The following KLF13 variants were observed in gnomAD, a reference collection of about 807,000 sequenced individuals.
KLF13 encodes the protein Krueppel-like factor 13.
KLF13 carries 8 observed loss-of-function variants against 16.7 expected under a neutral mutation model. The ratio of observed to expected loss-of-function variants is 0.48; its 90% CI spans 0.28 to 0.87. The LOEUF (loss-of-function observed/expected upper bound fraction) is 0.87. Ranked by LOEUF, KLF13 falls within the 40% of genes least tolerant of loss-of-function variation. KLF13 has a pLI of 0.10. For missense variants in KLF13, 447 were observed against 452.2 expected, an observed-to-expected ratio of 0.99 and a Z score of 0.10; for synonymous variants, 245 against 208.4, an observed-to-expected ratio of 1.18 and a Z score of -1.51.
intron 1 of KLF13, among the ~76,000 whole-genome samples, chr15:31,345,535 C>T (rs2039100614): frequency 1.3e-5 from 2 of 152,312 alleles, no homozygotes; most frequent in African/African-American, 2.4e-5. Flanking sequence ...TCTCCAGGAG[C>T]GTGGCAGGGT....
rs560052620 is a variant in KLF13, at chr15:31,338,466, G to A, written c.577+10677G>A. On this transcript the variant is annotated intron_variant, in intron 1 of 1. Transcript: ENST00000307145. ...CTTGAGGCATCTGGCCAGGTGGTGC[G>A]GGCTGCAGCACAATGTTTGTTTCTC... Among the ~76,000 whole-genome samples, 9 of 152,316 alleles carry A rather than the reference G, an allele frequency of 5.9e-5. No individual in the cohort carries two copies. In the East Asian group the frequency reaches 7.7e-4, roughly 13 times the overall value.
intron 1 of KLF13, among the ~76,000 whole-genome samples, chr15:31,434,597 G>A (rs574934950): frequency 1.5e-4 from 23 of 152,316 alleles, no homozygotes; most frequent in South Asian, 1.0e-3. Flanking sequence ...TGAGAATGAC[G>A]TGTCTGGAGC....
chr15:31,359,572 A>C (rs2039350167), intron 1 of KLF13, among the ~76,000 whole-genome samples: 1 of 152,180 alleles, frequency 6.6e-6, no homozygotes, highest in South Asian at 2.1e-4. Flanking sequence ...CTGACTGTCC[A>C]AAGTGATTCA....
intron 1 of KLF13, among the ~76,000 whole-genome samples, chr15:31,354,318 A>C (rs1254709174): frequency 1.3e-5 from 2 of 152,224 alleles, no homozygotes; most frequent in Non-Finnish European, 2.9e-5. Flanking sequence ...TCCAGCGAGG[A>C]GGAATGGCCT....
At chr15:31,429,089 T>C (rs1232523848) in intron 1 of KLF13, among the ~76,000 whole-genome samples, 1 of 152,212 alleles carries the variant, frequency 6.6e-6, no homozygotes, top group Non-Finnish European at 1.5e-5. Context: ...TTAAGTCAAG[T>C]ACAGGAGTCT....
intron 1 of KLF13, among the ~76,000 whole-genome samples, chr15:31,330,648 A>T (rs2038811969): frequency 6.6e-6 from 1 of 152,220 alleles, no homozygotes. Flanking sequence ...CTGCATGCTA[A>T]GAGCTTTCTG....
intron 1 of KLF13, among the ~76,000 whole-genome samples, chr15:31,432,307 C>T (rs1366016274): frequency 3.9e-5 from 6 of 152,050 alleles, no homozygotes; most frequent in Admixed American, 1.3e-4. Context: ...CTCTGCCCTC[C>T]GTAGAAGGTT....
intron 1 of KLF13, among the ~76,000 whole-genome samples, chr15:31,333,446 A>G (rs982345631): frequency 1.3e-5 from 2 of 152,136 alleles, no homozygotes; most frequent in African/African-American, 2.4e-5. Flanking sequence ...GGCTTCCCGC[A>G]CAGATTTTTG....
rs908739699 is a variant in KLF13, at chr15:31,377,473, C to T, written c.*5174C>T. The T allele has an allele frequency of 2.0e-5, 3 of 152,634 alleles. No individual in the cohort carries two copies. Among genetic ancestry groups the T allele is most frequent in the Admixed American group, 6.5e-5 (1 of 15,290 alleles). The allele number at this position is 152,634 out of a possible 1,614,324, so 9.5% of individuals were successfully genotyped here. On this transcript the variant is annotated 3_prime_UTR_variant, in exon 2 of 2. Transcript: ENST00000307145. ...TGTGCATGTGTTGGGTGCATGCTTCCGGGTCTCAGCTGCCCCAGGCCCGCA... is the reference window on the plus strand; with the variant it reads ...TGTGCATGTGTTGGGTGCATGCTTCTGGGTCTCAGCTGCCCCAGGCCCGCA...
At chr15:31,427,334 A>ACAAAC (rs151064544) in intron 1 of KLF13, among the ~76,000 whole-genome samples, 1 of 152,038 alleles carries the variant, frequency 6.6e-6, no homozygotes, top group African/African-American at 2.4e-5. Context: ...AAAAAAACAA[A>ACAAAC]AAACAAAAAA....
At chr15:31,419,065 A>G (rs1281351508) in intron 1 of KLF13, among the ~76,000 whole-genome samples, 1 of 152,198 alleles carries the variant, frequency 6.6e-6, no homozygotes, top group East Asian at 1.9e-4. Flanking sequence ...CAAGATGCAT[A>G]CAATCATGGT....
chr15:31,364,663 A>C (rs1415712794), intron 1 of KLF13, among the ~76,000 whole-genome samples: 5 of 152,252 alleles, frequency 3.3e-5, no homozygotes, highest in African/African-American at 1.2e-4. Context: ...GAGGTAGAGC[A>C]GGCTGCTTCC....
rs1013337191 is a variant in KLF13 at position 31,420,530 on chromosome 15, A to T, written n.118-14840A>T. On this transcript the variant is annotated intron_variant and non_coding_transcript_variant, in intron 1 of 1. Transcript: ENST00000558225. ...TGGCATCAGGACCATTCTGGTCTCC[A>T]TCCAGAGCCTGCTAGGAGAACCCAA... 1.2e-5 allele frequency: 7 copies of T among 561,310 alleles called. No individual in the cohort carries two copies. In the African/African-American group the frequency reaches 1.3e-4, roughly 11 times the overall value. 34.8% of individuals were successfully genotyped at this position (561,310 alleles called of 1,614,324 possible).
At chr15:31,407,625 T>C (rs1030922528), downstream of KLF13, among the ~76,000 whole-genome samples, 1 of 152,146 alleles carries the variant, frequency 6.6e-6, no homozygotes, top group African/African-American at 2.4e-5. Flanking sequence ...AATACTCTGG[T>C]CACGAGAAAG....
At chr15:31,407,371 A>T (rs967838634), downstream of KLF13, among the ~76,000 whole-genome samples, 6 of 152,162 alleles carry the variant, frequency 3.9e-5, no homozygotes, top group African/African-American at 1.4e-4. Context: ...GCCATGAACT[A>T]CGAGAAAGAT....
At chr15:31,334,588 C>T (rs533961575) in intron 1 of KLF13, among the ~76,000 whole-genome samples, 48 of 151,708 alleles carry the variant, frequency 3.2e-4, no homozygotes, top group African/African-American at 9.9e-4. Context: ...CCACCGTGCC[C>T]AGCTAATTTT....
chr15:31,363,503 TTGAGAC>T (rs2039419861), intron 1 of KLF13, among the ~76,000 whole-genome samples: 1 of 152,230 alleles, frequency 6.6e-6, no homozygotes, highest in Non-Finnish European at 1.5e-5. Context: ...GATTGATTGA[TTGAGAC>T]TGAGTCTCAC....
chr15:31,332,432 A>G (rs1290008025), intron 1 of KLF13, among the ~76,000 whole-genome samples: 1 of 152,172 alleles, frequency 6.6e-6, no homozygotes, highest in African/African-American at 2.4e-5. Flanking sequence ...GGTTTTACAG[A>G]GATTGGAAAG....
chr15:31,361,743 C>G (rs570613126), intron 1 of KLF13, among the ~76,000 whole-genome samples: 1 of 152,096 alleles, frequency 6.6e-6, no homozygotes, highest in Non-Finnish European at 1.5e-5. Flanking sequence ...GGTGCTTGTT[C>G]GTGTCAAGAA....
Sources: gnomAD v4.1 joint callset for allele counts (sites outside exome capture counted in the v4.1 genomes callset) on GRCh38, gnomAD v4.1.1 for gene constraint, MANE v1.5 for transcripts, NCBI Gene and HGNC (gene_info 2026-07-23, HGNC 2026-07-21) for gene names.